KCNH8: variants seen among roughly 807,000 people sequenced by gnomAD.
KCNH8 encodes potassium voltage-gated channel subfamily H member 8.
In KCNH8, 70 loss-of-function variants were observed where a neutral mutation model predicts 103.6. That is an observed-to-expected ratio of 0.68 (90% CI 0.56 to 0.82). The LOEUF is 0.82. KCNH8 is among the 40% of genes least tolerant of loss of function. The pLI, the probability that KCNH8 is intolerant of heterozygous loss-of-function variation, is 0.00. For synonymous variants in KCNH8, 498 were observed against 489.4 expected (o/e 1.02, Z -0.23); for missense variants, 1,217 against 1,329.9 (o/e 0.92, Z 1.32).
intron 1 of KCNH8, among the ~76,000 whole-genome samples, chr3:19,206,667 A>G (rs1342214417): frequency 6.6e-6 from 1 of 151,982 alleles, no homozygotes; most frequent in African/African-American, 2.4e-5. Context: ...TACCCGGTAG[A>G]TAAGAGTAGC....
chr3:19,299,468 A>G (rs1313867405), intron 3 of KCNH8, among the ~76,000 whole-genome samples: 1 of 152,116 alleles, frequency 6.6e-6, no homozygotes, highest in Non-Finnish European at 1.5e-5. Context: ...CCATCTCCGA[A>G]AAAAAGAAAA....
chr3:19,503,533 A>G lies in KCNH8; in HGVS notation c.2041-6830A>G, dbSNP rs139794546. On this transcript the variant is annotated intron_variant, in intron 11 of 15. Transcript: ENST00000328405. The stretch of plus-strand genomic sequence containing the variant: ...GCAAAGACTTGGAACCAACCCAAAT[A>G]TCCACCAATGATAGACTGGATTAAG... Among the ~76,000 whole-genome samples, 1,495 of 152,194 alleles carry G rather than the reference A, an allele frequency of 9.8e-3. 20 individuals are homozygous for G. Among genetic ancestry groups the G allele is most frequent in the South Asian group, 0.02 (95 of 4,822 alleles).
intron 11 of KCNH8, among the ~76,000 whole-genome samples, chr3:19,485,673 G>A (rs965039875): frequency 6.6e-6 from 1 of 152,166 alleles, no homozygotes; most frequent in Non-Finnish European, 1.5e-5. Context: ...TAGGTACCAG[G>A]TCAGGTGTTT....
intron 7 of KCNH8, among the ~76,000 whole-genome samples, chr3:19,428,948 A>C (rs899878551): frequency 6.6e-5 from 10 of 151,466 alleles, no homozygotes; most frequent in Admixed American, 6.6e-5. Context: ...TCTACTTCTT[A>C]TTTTTCAAAA....
At chr3:19,321,028 A>G (rs985408205) in intron 3 of KCNH8, among the ~76,000 whole-genome samples, 1 of 151,894 alleles carries the variant, frequency 6.6e-6, no homozygotes, top group Non-Finnish European at 1.5e-5. Context: ...ATCTGTTGCA[A>G]TATCTCCCAT....
chr3:19,485,788 C>T (rs1175303912), intron 11 of KCNH8, among the ~76,000 whole-genome samples: 3 of 152,140 alleles, frequency 2.0e-5, no homozygotes, highest in Admixed American at 1.3e-4. Flanking sequence ...GGTGGAGGCT[C>T]GCTGGTGTCC....
At chr3:19,176,537 T>C (rs895239534) in intron 1 of KCNH8, among the ~76,000 whole-genome samples, 2 of 152,164 alleles carry the variant, frequency 1.3e-5, no homozygotes, top group Admixed American at 6.6e-5. Context: ...CTTTTAAGAC[T>C]ATCATTATCT....
At chr3:19,229,123 C>G (rs2063965126) in intron 1 of KCNH8, among the ~76,000 whole-genome samples, 1 of 152,170 alleles carries the variant, frequency 6.6e-6, no homozygotes, top group African/African-American at 2.4e-5. Context: ...AAGTATTACC[C>G]ATTATTTGAC....
At chr3:19,246,116 A>G (rs892651581) in intron 1 of KCNH8, among the ~76,000 whole-genome samples, 5 of 152,056 alleles carry the variant, frequency 3.3e-5, no homozygotes, top group Admixed American at 2.6e-4. Context: ...AAGTTTGTTT[A>G]TCTTAATGAG....
chr3:19,282,699 CT>C (rs1255494107), intron 3 of KCNH8, among the ~76,000 whole-genome samples: 3 of 151,862 alleles, frequency 2.0e-5, no homozygotes, highest in Non-Finnish European at 2.9e-5. Context: ...TCTCATGTTC[CT>C]TATGTCTCGT....
In KCNH8 at chr3:19,150,738, A is replaced by G. The variant is rs548817412; in HGVS notation, c.76+1943A>G. On this transcript the variant is annotated intron_variant, in intron 1 of 15. Coordinates refer to ENST00000328405, the MANE Select transcript of KCNH8 (RefSeq NM_144633.3). ...AGATACTTTAAATCCTTATTTTTAAAGAAGACCATCCTGACATACCTGTAT... is the reference window on the plus strand; with the variant it reads ...AGATACTTTAAATCCTTATTTTTAAGGAAGACCATCCTGACATACCTGTAT... Among the ~76,000 whole-genome samples, 231 of 152,334 alleles carry G rather than the reference A, an allele frequency of 1.5e-3. 3 individuals are homozygous for G. The highest frequency in any genetic ancestry group is 4.9e-3 in the African/African-American group (202 of 41,568).
chr3:19,467,636 T>A (rs2067769655), intron 11 of KCNH8, among the ~76,000 whole-genome samples: 1 of 152,132 alleles, frequency 6.6e-6, no homozygotes, highest in Non-Finnish European at 1.5e-5. Flanking sequence ...AGCTGAAACA[T>A]ACCTACCTGA....
At chr3:19,259,794 C>T (rs1404403280) in intron 2 of KCNH8, among the ~76,000 whole-genome samples, 1 of 150,564 alleles carries the variant, frequency 6.6e-6, no homozygotes, top group Non-Finnish European at 1.5e-5. Context: ...TTTACATACA[C>T]ACACACACAC....
intron 5 of KCNH8, among the ~76,000 whole-genome samples, chr3:19,389,864 G>C (rs901717014): frequency 6.6e-6 from 1 of 151,886 alleles, no homozygotes; most frequent in Non-Finnish European, 1.5e-5. Flanking sequence ...TTCTGAGCTC[G>C]GGCAATTCTT....
intron 1 of KCNH8, among the ~76,000 whole-genome samples, chr3:19,235,079 G>A (rs2064046647): frequency 6.6e-6 from 1 of 152,200 alleles, no homozygotes; most frequent in African/African-American, 2.4e-5. Flanking sequence ...GAAGTTTGGT[G>A]ACGTTAGGAG....
At chr3:19,250,361 A>T (rs2064261299) in intron 1 of KCNH8, among the ~76,000 whole-genome samples, 1 of 152,252 alleles carries the variant, frequency 6.6e-6, no homozygotes, top group Non-Finnish European at 1.5e-5. Flanking sequence ...AAGTAAATAT[A>T]TCAATCTTAG....
chr3:19,348,569 C>G (rs1360898298), intron 5 of KCNH8, among the ~76,000 whole-genome samples: 3 of 151,994 alleles, frequency 2.0e-5, no homozygotes, highest in African/African-American at 4.8e-5. Flanking sequence ...TCTTGTAAGC[C>G]TTTTCCTATT....
chr3:19,514,496 T>C lies in KCNH8; in HGVS notation c.2436-826T>C, dbSNP rs191710691. ...ATCTTACATTTATAAAAAGAATATATGTTCTTTATAGAGAAAATAATATTT... is the reference window on the plus strand; with the variant it reads ...ATCTTACATTTATAAAAAGAATATACGTTCTTTATAGAGAAAATAATATTT... On this transcript the variant is annotated intron_variant, in intron 13 of 15. Transcript: ENST00000328405. Among the ~76,000 whole-genome samples, 686 of 152,026 alleles carry C rather than the reference T, an allele frequency of 4.5e-3. 4 individuals carry two copies. The highest frequency in any genetic ancestry group is 0.02 in the South Asian group (95 of 4,828).
At chr3:19,232,353 C>G (rs1025120521) in intron 1 of KCNH8, among the ~76,000 whole-genome samples, 1 of 152,096 alleles carries the variant, frequency 6.6e-6, no homozygotes, top group African/African-American at 2.4e-5. Flanking sequence ...ACATTTTCAT[C>G]AAAGGGATGT....
Sources: gnomAD v4.1 joint callset for allele counts (sites outside exome capture counted in the v4.1 genomes callset) on GRCh38, gnomAD v4.1.1 for gene constraint, MANE v1.5 for transcripts, NCBI Gene and HGNC (gene_info 2026-07-23, HGNC 2026-07-21) for gene names.